Variants in KIF6 observed in about 807,000 individuals in gnomAD.
The protein encoded by KIF6 is kinesin-like protein KIF6.
Under a neutral mutation model 112.7 loss-of-function variants are expected in KIF6, and 106 were observed. That is an observed-to-expected ratio of 0.94 (90% CI 0.80 to 1.11). The LOEUF (loss-of-function observed/expected upper bound fraction) is 1.11, where lower values mean the gene tolerates loss of function less well. KIF6 is among the 50% of genes least tolerant of loss of function. The probability of loss-of-function intolerance (pLI) is 0.00; values close to 1 mark genes in which losing one functional copy is unlikely to be tolerated. For missense variants in KIF6, 929 were observed against 964.0 expected, an observed-to-expected ratio of 0.96 and a Z score of 0.48; for synonymous variants, 339 against 339.9, an observed-to-expected ratio of 1.00 and a Z score of 0.03.
At chr6:39,450,718 T>C (rs1027297515) in intron 13 of KIF6, among the ~76,000 whole-genome samples, 29 of 152,152 alleles carry the variant, frequency 1.9e-4, no homozygotes, top group African/African-American at 7.0e-4. Flanking sequence ...GGTGGGAAGA[T>C]TGCCTGAGCC....
intron 13 of KIF6, among the ~76,000 whole-genome samples, chr6:39,490,483 C>T (rs1284720160): frequency 2.0e-5 from 3 of 152,166 alleles, no homozygotes; most frequent in Non-Finnish European, 2.9e-5. Flanking sequence ...AGGTGTGTAT[C>T]TTTGTGAATG....
At chr6:39,482,847 G>T (rs1418185578) in intron 13 of KIF6, among the ~76,000 whole-genome samples, 1 of 152,184 alleles carries the variant, frequency 6.6e-6, no homozygotes, top group Non-Finnish European at 1.5e-5. Flanking sequence ...GAGGACACAT[G>T]TTCTATGGAT....
rs186627783 is a variant in KIF6 at position 39,715,540 on chromosome 6, G to A, written c.177-774C>T. Among the ~76,000 whole-genome samples, 49 of 140,988 alleles carry A rather than the reference G, an allele frequency of 3.5e-4. 1 individual carries two copies. Among genetic ancestry groups the A allele is most frequent in the African/African-American group, 1.1e-3 (42 of 38,174 alleles). The allele number at this position is 140,988 out of a possible 152,430, so 92.5% of individuals were successfully genotyped here. A position where few individuals can be genotyped will look rare whatever the true frequency, so the allele number is the denominator to read the frequency against. On this transcript the variant is annotated intron_variant, in intron 2 of 22. Transcript: ENST00000287152. The stretch of plus-strand genomic sequence containing the variant: ...TTTTTTTGAGACAGAGTCTCACTCT[G>A]TCACCCAGGCTGGAGTGCAGTGGCG...
chr6:39,698,007 A>C (rs954291589), intron 3 of KIF6, among the ~76,000 whole-genome samples: 1 of 152,232 alleles, frequency 6.6e-6, no homozygotes, highest in Non-Finnish European at 1.5e-5. Flanking sequence ...TATAATTATT[A>C]ATATCACATG....
chr6:39,337,901 T>C (rs1427165429), intron 22 of KIF6, among the ~76,000 whole-genome samples: 1 of 152,170 alleles, frequency 6.6e-6, no homozygotes, highest in African/African-American at 2.4e-5. Context: ...AAAAGCAAGG[T>C]GGCTTCTTGC....
chr6:39,628,573 G>T (rs1784207037), intron 5 of KIF6, among the ~76,000 whole-genome samples: 1 of 152,030 alleles, frequency 6.6e-6, no homozygotes, highest in Non-Finnish European at 1.5e-5. Context: ...GAATCATACA[G>T]CATGTAAACC....
chr6:39,423,013 C>T (rs918599292), intron 14 of KIF6, among the ~76,000 whole-genome samples: 1 of 152,224 alleles, frequency 6.6e-6, no homozygotes, highest in Non-Finnish European at 1.5e-5. Context: ...CAGCCAGGAC[C>T]ACTGATGAGC....
intron 13 of KIF6, among the ~76,000 whole-genome samples, chr6:39,464,641 C>T (rs1003681530): frequency 1.3e-5 from 2 of 152,202 alleles, no homozygotes; most frequent in African/African-American, 4.8e-5. Context: ...CTCATCTCCA[C>T]AGCCTGGATG....
chr6:39,497,729 C>T (rs951105498), intron 13 of KIF6, among the ~76,000 whole-genome samples: 11 of 152,292 alleles, frequency 7.2e-5, no homozygotes, highest in Non-Finnish European at 1.3e-4. Context: ...ATCCCTCCCC[C>T]CATCACGAAG....
chr6:39,584,072 T>G (rs927288237), intron 9 of KIF6, among the ~76,000 whole-genome samples: 5 of 152,160 alleles, frequency 3.3e-5, no homozygotes, highest in African/African-American at 1.2e-4. Context: ...ATGTAAAATA[T>G]GGTTCTACTG....
intron 5 of KIF6, among the ~76,000 whole-genome samples, chr6:39,615,647 T>C (rs568541854): frequency 4.6e-5 from 7 of 152,142 alleles, no homozygotes; most frequent in African/African-American, 7.2e-5. Flanking sequence ...GCCACTGACT[T>C]CATTTTTAAT....
intron 14 of KIF6, among the ~76,000 whole-genome samples, chr6:39,420,522 C>T (rs1478322225): frequency 2.6e-5 from 4 of 152,220 alleles, no homozygotes; most frequent in Non-Finnish European, 5.9e-5. Context: ...TGGCTGCTTT[C>T]ACGCTACAAG....
At chr6:39,668,939 C>T (rs1010785288) in intron 3 of KIF6, among the ~76,000 whole-genome samples, 23 of 151,914 alleles carry the variant, frequency 1.5e-4, no homozygotes, top group African/African-American at 4.4e-4. Context: ...ATTCGGATGA[C>T]TAGATATTGA....
At position 39,378,177 on chromosome 6, in the gene KIF6, C is replaced by T. The variant is rs563564084; in HGVS notation, c.1861+7445G>A. Among the ~76,000 whole-genome samples, 17 of 151,848 alleles carry T rather than the reference C, an allele frequency of 1.1e-4. No homozygotes were observed. The highest frequency in any genetic ancestry group is 2.0e-4 in the Admixed American group (3 of 15,212). On this transcript the variant is annotated intron_variant, in intron 16 of 22. Transcript: ENST00000287152. The surrounding 1 kb of genome is among the most constrained non-coding windows in gnomAD (Gnocchi z 5.0). ...GAGAAGCGTAAATGCAGAGAAACCC[C>T]CATCCCGCACACAAACACACAAACC...
chr6:39,448,051 T>G (rs913352808), intron 13 of KIF6, among the ~76,000 whole-genome samples: 1 of 152,188 alleles, frequency 6.6e-6, no homozygotes, highest in Non-Finnish European at 1.5e-5. Context: ...TCATACTCTC[T>G]CTTTCCTCAC....
chr6:39,722,153 A>G (rs1300643653), intron 1 of KIF6, among the ~76,000 whole-genome samples: 1 of 152,190 alleles, frequency 6.6e-6, no homozygotes, highest in Non-Finnish European at 1.5e-5. Flanking sequence ...ACATTAAAAA[A>G]AAAAGTTTTA....
In KIF6 at chr6:39,453,281, G is replaced by T. The variant is rs189452118; in HGVS notation, c.1646-22120C>A. Among the ~76,000 whole-genome samples the T allele has an allele frequency of 2.0e-5, 3 of 152,312 alleles. No individual in the cohort carries two copies. In the East Asian group the frequency reaches 5.8e-4, roughly 29 times the overall value. ...CAAATTTTATTCTCCGATGTCTGGG[G>T]TGTATTAACACTGCCCAGGACCACA... On this transcript the variant is annotated intron_variant, in intron 13 of 22. Transcript: ENST00000287152.
At chr6:39,400,289 G>A (rs528298360) in intron 15 of KIF6, among the ~76,000 whole-genome samples, 1 of 152,270 alleles carries the variant, frequency 6.6e-6, no homozygotes, top group Admixed American at 6.5e-5. Flanking sequence ...AGAAAGCTGT[G>A]CAAACTGGAA....
rs528669046 is a variant in KIF6 at position 39,378,507 on chromosome 6, C to T, written c.1861+7115G>A. Among the ~76,000 whole-genome samples, 6 of 152,074 alleles carry T rather than the reference C, an allele frequency of 3.9e-5. No homozygotes were observed. Among genetic ancestry groups the T allele is most frequent in the East Asian group, 3.8e-4 (2 of 5,196 alleles). The stretch of plus-strand genomic sequence containing the variant: ...CACACGTACATACACAACAGACACA[C>T]GCATACACACACCCCAACTAACCCA... On this transcript the variant is annotated intron_variant, in intron 16 of 22. Transcript: ENST00000287152. This position sits in a 1 kb window ranked among gnomAD's most constrained non-coding sequence, Gnocchi z 5.0.
Sources: gnomAD v4.1 joint callset for allele counts (sites outside exome capture counted in the v4.1 genomes callset) on GRCh38, gnomAD v4.1.1 for gene constraint, Gnocchi (gnomAD v3.1) non-coding constraint, MANE v1.5 for transcripts, NCBI Gene and HGNC (gene_info 2026-07-23, HGNC 2026-07-21) for gene names.